Variants in MAGEC3 observed in about 807,000 individuals in gnomAD.
The protein encoded by MAGEC3 is MAGE family member C3, also known as melanoma-associated antigen C3.
Under a neutral mutation model 35.3 loss-of-function variants are expected in MAGEC3, and 34 were observed. The observed-to-expected ratio is 0.96, with a 90% CI of 0.73 to 1.28. MAGEC3 has a LOEUF of 1.28. Among genes scored for constraint, MAGEC3 ranks in the 50% most tolerant of loss-of-function variants. The pLI, the probability that MAGEC3 is intolerant of heterozygous loss-of-function variation, is 0.00. For missense variants in MAGEC3, 561 were observed against 483.6 expected (o/e 1.16, Z -1.50); for synonymous variants, 202 against 185.6 (o/e 1.09, Z -0.72).
intron 6 of MAGEC3, 186 bp from the exon 7 acceptor site, chrX:141,896,696 A>G (rs747429107): frequency 1.7e-6 from 2 of 1,211,588 alleles, no homozygotes; most frequent in South Asian, 3.5e-5. Context: ...TTTGAGGAAG[A>G]CTTCCAGAAC....
At chrX:141,845,906 G>A (rs1434449146) in intron 1 of MAGEC3, among the ~76,000 whole-genome samples, 1 of 110,705 alleles carries the variant, frequency 9.0e-6, no homozygotes, top group Admixed American at 9.6e-5. Flanking sequence ...TTGTAAAGTG[G>A]ATATTATAAT....
At chrX:141,873,799 T>G (rs933690421) in intron 2 of MAGEC3, among the ~76,000 whole-genome samples, 1 of 112,133 alleles carries the variant, frequency 8.9e-6, no homozygotes, top group African/African-American at 3.2e-5. Flanking sequence ...ATCTATAGAT[T>G]GCCTAAAATC....
At chrX:141,880,012 G>A (rs2017950425) in intron 3 of MAGEC3, among the ~76,000 whole-genome samples, 1 of 111,674 alleles carries the variant, frequency 9.0e-6, no homozygotes, top group Non-Finnish European at 1.9e-5. Context: ...CTCCATATCA[G>A]CCCTCGTAGA....
chrX:141,851,510 C>T (rs927637041), intron 1 of MAGEC3, among the ~76,000 whole-genome samples: 1 of 110,084 alleles, frequency 9.1e-6, no homozygotes, highest in Non-Finnish European at 1.9e-5. Context: ...ATTTGTATAT[C>T]ATAAAATTAA....
At chrX:141,868,703 C>T (rs1327707336) in intron 2 of MAGEC3, among the ~76,000 whole-genome samples, 1 of 109,937 alleles carries the variant, frequency 9.1e-6, no homozygotes, top group African/African-American at 3.3e-5. Context: ...GTTCTAAGAT[C>T]ACTTGGGATT....
chrX:141,855,955 A>C (rs183921325), intron 1 of MAGEC3, among the ~76,000 whole-genome samples: 13 of 111,709 alleles, frequency 1.2e-4, no homozygotes, highest in Non-Finnish European at 2.3e-4. Context: ...GATGGCTTTT[A>C]AACTTCTAAG....
intron 4 of MAGEC3, 131 bp from the exon 5 acceptor site, chrX:141,895,138 G>T (rs1352381827): frequency 2.0e-5 from 15 of 760,581 alleles, no homozygotes; most frequent in Non-Finnish European, 2.7e-5. Flanking sequence ...AAAGGGGTCG[G>T]GGGGCGCTGA....
intron 4 of MAGEC3, 68 bp downstream of exon 4, chrX:141,881,864 A>T: frequency 8.5e-7 from 1 of 1,172,167 alleles, no homozygotes; most frequent in East Asian, 3.0e-5. Context: ...GTTTGAGTGC[A>T]GGGACATTAC....
intron 1 of MAGEC3, among the ~76,000 whole-genome samples, chrX:141,858,397 G>A (rs780871604): frequency 2.8e-4 from 31 of 110,805 alleles, no homozygotes; most frequent in Non-Finnish European, 3.4e-4. Context: ...ATGGGGAAGC[G>A]CATTTTGTTA....
At chrX:141,893,695 A>G (rs2018060693) in intron 4 of MAGEC3, among the ~76,000 whole-genome samples, 1 of 77,829 alleles carries the variant, frequency 1.3e-5, no homozygotes, top group Non-Finnish European at 2.4e-5. Flanking sequence ...TGCATAGGGC[A>G]GGGCAGGAGG....
intron 1 of MAGEC3, among the ~76,000 whole-genome samples, chrX:141,862,912 A>G (rs1312926777): frequency 9.0e-6 from 1 of 111,571 alleles, no homozygotes; most frequent in Non-Finnish European, 1.9e-5. Context: ...ACAGCAATGT[A>G]TTGTAATTTT....
At chrX:141,883,399 T>C (rs1219326577) in intron 4 of MAGEC3, among the ~76,000 whole-genome samples, 5 of 112,017 alleles carry the variant, frequency 4.5e-5, no homozygotes, top group African/African-American at 1.6e-4. Context: ...AAGGAGTTGG[T>C]CCTTGATTCA....
At chrX:141,840,810 A>C (rs1199875063) in intron 1 of MAGEC3, among the ~76,000 whole-genome samples, 1 of 110,408 alleles carries the variant, frequency 9.1e-6, no homozygotes, top group Non-Finnish European at 1.9e-5. Flanking sequence ...GAACAAAAAC[A>C]AAACAAACAC....
At chrX:141,839,374 G>A in intron 1 of MAGEC3, 1 of 721,098 alleles carries the variant, frequency 1.4e-6, no homozygotes, top group Non-Finnish European at 1.6e-6. Context: ...ATTTTTAAAG[G>A]TTTTTAAATA....
intron 1 of MAGEC3, among the ~76,000 whole-genome samples, chrX:141,840,219 T>C (rs2017677912): frequency 9.0e-6 from 1 of 111,686 alleles, no homozygotes. Flanking sequence ...ATTCATAGCA[T>C]CACAAACCAC....
intron 1 of MAGEC3, 183 bp downstream of exon 1, chrX:141,838,621 G>T (rs1169252676): frequency 8.3e-5 from 61 of 735,425 alleles, no homozygotes; most frequent in Non-Finnish European, 9.6e-5. Context: ...GTAGCCTGTG[G>T]TCGCTCATGT....
At chrX:141,865,368 T>C (rs1336342206) in intron 1 of MAGEC3, 103 bp from the exon 2 acceptor site, 6 of 789,150 alleles carry the variant, frequency 7.6e-6, no homozygotes, top group African/African-American at 6.4e-5. Flanking sequence ...CTAATTGCTT[T>C]CACTCATCAA....
At position 141,897,332 on chromosome X, in the gene MAGEC3, T is replaced by C. The variant is rs745772154; in HGVS notation, c.1574T>C (p.Phe525Ser). The C allele has an allele frequency of 1.7e-6, 2 of 1,210,331 alleles. No individual in the cohort carries two copies. Among genetic ancestry groups the C allele is most frequent in the African/African-American group, 1.7e-5 (1 of 57,253 alleles). ...DMDPDNHSYF[F>S]EDTLDLTYEG... ...GACCCCGACAACCACTCCTATTTCTTTGAAGACACATTAGACCTCACCTAT... is the reference window on the plus strand; with the variant it reads ...GACCCCGACAACCACTCCTATTTCTCTGAAGACACATTAGACCTCACCTAT... Residue 525 changes from phenylalanine (F) to serine (S), a missense_variant, in exon 7 of 8, where the codon TTT becomes TCT. Phe to Ser is a radical substitution (Grantham distance 155). Coordinates refer to ENST00000298296, the MANE Select transcript of MAGEC3 (RefSeq NM_138702.1).
intron 1 of MAGEC3, among the ~76,000 whole-genome samples, chrX:141,845,607 A>G (rs1185815865): frequency 9.0e-6 from 1 of 111,192 alleles, no homozygotes; most frequent in Non-Finnish European, 1.9e-5. Flanking sequence ...TTTAAATGCT[A>G]ACAAATTTGC....
Sources: allele counts gnomAD v4.1 joint callset (sites outside exome capture counted in the v4.1 genomes callset), GRCh38; gene constraint gnomAD v4.1.1; transcripts MANE v1.5; gene names NCBI Gene and HGNC (gene_info 2026-07-23, HGNC 2026-07-21).